AGBL1: variants seen among roughly 807,000 people sequenced by gnomAD.
AGBL1 encodes AGBL carboxypeptidase 1, also known as cytosolic carboxypeptidase 4.
In AGBL1, 130 loss-of-function variants were observed where a neutral mutation model predicts 118.9. The observed-to-expected ratio is 1.09, with a 90% CI of 0.95 to 1.26. AGBL1 has a LOEUF of 1.26. Among genes scored for constraint, AGBL1 ranks in the 50% most tolerant of loss-of-function variants. AGBL1 has a pLI of 0.00. For synonymous variants in AGBL1, 555 were observed against 478.9 expected (o/e 1.16, Z -2.08); for missense variants, 1,584 against 1,298.1 (o/e 1.22, Z -3.38).
chr15:86,208,644 T>G (rs1429217373), intron 5 of AGBL1, among the ~76,000 whole-genome samples: 2 of 152,212 alleles, frequency 1.3e-5, no homozygotes, highest in Admixed American at 6.5e-5. Flanking sequence ...TAGTTTGTAT[T>G]TCTGTGGGAT....
intron 22 of AGBL1, among the ~76,000 whole-genome samples, chr15:86,743,806 A>C (rs2077715931): frequency 6.6e-6 from 1 of 152,100 alleles, no homozygotes; most frequent in Non-Finnish European, 1.5e-5. Flanking sequence ...GCCCTAGTCT[A>C]ACCAGTTCTA....
At chr15:86,873,626 C>T (rs2079760849) in intron 22 of AGBL1, among the ~76,000 whole-genome samples, 1 of 152,098 alleles carries the variant, frequency 6.6e-6, no homozygotes, top group African/African-American at 2.4e-5. Context: ...TTGCCCATTC[C>T]ACCATGTTAG....
Position 86,523,079 on chromosome 15 carries a change from A to G in AGBL1, c.2685+140A>G, listed in dbSNP as rs540419942. 1.4e-5 allele frequency: 14 copies of G among 1,016,986 alleles called. No individual in the cohort carries two copies. The African/African-American group carries it at 1.9e-4, about 14-fold the overall frequency. The allele number at this position is 1,016,986 out of a possible 1,614,324, so 63.0% of individuals were successfully genotyped here. ...AGATAGAATGGAGGATGCATGGTGC[A>G]TTGACTTCCTGGGCTGCTGTACCAA... On this transcript the variant is annotated intron_variant, in intron 19 of 22. Transcript: ENST00000614907.
chr15:86,223,834 C>T (rs920847118), intron 5 of AGBL1, among the ~76,000 whole-genome samples: 1 of 152,156 alleles, frequency 6.6e-6, no homozygotes, highest in African/African-American at 2.4e-5. Flanking sequence ...CATTTATCTT[C>T]CTTTTTACTG....
chr15:86,719,618 C>T (rs1482034814), intron 22 of AGBL1, among the ~76,000 whole-genome samples: 1 of 152,060 alleles, frequency 6.6e-6, no homozygotes, highest in Non-Finnish European at 1.5e-5. Context: ...TTCCCTTTTC[C>T]TCCCCTTGCC....
chr15:86,744,835 A>AT (rs2077731376), intron 22 of AGBL1, among the ~76,000 whole-genome samples: 1 of 152,110 alleles, frequency 6.6e-6, no homozygotes, highest in African/African-American at 2.4e-5. Flanking sequence ...ACTCATTATA[A>AT]TTTTTTGGTG....
chr15:86,436,669 A>G (rs2082004134), intron 18 of AGBL1, among the ~76,000 whole-genome samples: 1 of 152,234 alleles, frequency 6.6e-6, no homozygotes. Flanking sequence ...GACTTATATT[A>G]GTAATAATAT....
At chr15:86,528,401 T>C (rs1249926356) in intron 19 of AGBL1, among the ~76,000 whole-genome samples, 1 of 152,146 alleles carries the variant, frequency 6.6e-6, no homozygotes, top group Admixed American at 6.5e-5. Flanking sequence ...TTTTCAGACC[T>C]GCTTAAAAAA....
At chr15:86,538,841 G>T (rs1321180920) in intron 19 of AGBL1, among the ~76,000 whole-genome samples, 1 of 152,190 alleles carries the variant, frequency 6.6e-6, no homozygotes, top group East Asian at 1.9e-4. Context: ...CTAAGGGAGA[G>T]GTGTTTGAGA....
intron 17 of AGBL1, among the ~76,000 whole-genome samples, chr15:86,376,864 G>C (rs1229953345): frequency 6.6e-6 from 1 of 152,206 alleles, no homozygotes; most frequent in Non-Finnish European, 1.5e-5. Flanking sequence ...GCAAAGGCCA[G>C]ACTTATCTTT....
intron 5 of AGBL1, among the ~76,000 whole-genome samples, chr15:86,180,535 C>A (rs2077538096): frequency 6.6e-6 from 1 of 152,018 alleles, no homozygotes; most frequent in Non-Finnish European, 1.5e-5. Flanking sequence ...TAAAATGGAC[C>A]ATAGACTTAA....
chr15:86,660,028 A>G (rs1188247290), intron 21 of AGBL1, among the ~76,000 whole-genome samples: 1 of 151,700 alleles, frequency 6.6e-6, no homozygotes, highest in Non-Finnish European at 1.5e-5. Context: ...CCACAGGCAC[A>G]TTTGTAGCCA....
intron 23 of AGBL1, chr15:86,935,166 A>G (rs2080653334): frequency 6.6e-6 from 1 of 152,086 alleles, no homozygotes; most frequent in South Asian, 2.1e-4. Context: ...TTCTGTTTTC[A>G]GACTTCTCCA....
rs34011958 is a variant in AGBL1, at chr15:86,739,509, AT to A, written c.3158+65085del. 7.3e-3 allele frequency among the ~76,000 whole-genome samples: 1,026 copies of A among 140,564 alleles called. 7 individuals are homozygous for A. The highest frequency in any genetic ancestry group is 0.034 in the South Asian group (150 of 4,420). 92.2% of individuals were successfully genotyped at this position (140,564 alleles called of 152,430 possible). On this transcript the variant is annotated intron_variant, in intron 22 of 22. Coordinates refer to ENST00000614907, the MANE Select transcript of AGBL1 (RefSeq NM_001386094.1). The stretch of plus-strand genomic sequence containing the variant: ...TTTTTCACAGGATCCATCAAGATTC[AT>A]TTTTTTTTTTTCGGGGGGAGCAAGA...
chr15:86,988,998 T>C (rs1233595089), intron 24 of AGBL1, among the ~76,000 whole-genome samples: 2 of 72,670 alleles, frequency 2.8e-5, no homozygotes, highest in African/African-American at 1.3e-4. Flanking sequence ...TCCCCCTGCT[T>C]TTTTTTTTTT....
chr15:86,163,821 A>G (rs947199225), intron 5 of AGBL1, among the ~76,000 whole-genome samples: 8 of 152,254 alleles, frequency 5.3e-5, no homozygotes, highest in African/African-American at 1.9e-4. Flanking sequence ...TAATGAATGA[A>G]AGCCAGAATG....
At chr15:86,981,125 G>T (rs1291857815) in intron 23 of AGBL1, among the ~76,000 whole-genome samples, 1 of 152,150 alleles carries the variant, frequency 6.6e-6, no homozygotes, top group Non-Finnish European at 1.5e-5. Context: ...GACCTCAGGT[G>T]ATCCACCCAC....
Position 86,429,098 on chromosome 15 carries a change from C to T in AGBL1, c.2555+31552C>T, listed in dbSNP as rs138948784. Reference sequence around the variant, plus strand: ...CCTTCGCTCTGCCTCCTCACAAAGACATTCCAAAGGGCACCAATTCCTTGG... The same window carrying T: ...CCTTCGCTCTGCCTCCTCACAAAGATATTCCAAAGGGCACCAATTCCTTGG... On this transcript the variant is annotated intron_variant, in intron 18 of 22. Coordinates refer to ENST00000614907, the MANE Select transcript of AGBL1 (RefSeq NM_001386094.1). 2.2e-3 allele frequency among the ~76,000 whole-genome samples: 331 copies of T among 152,322 alleles called. 4 individuals are homozygous for T. Among genetic ancestry groups the T allele is most frequent in the African/African-American group, 7.6e-3 (314 of 41,578 alleles).
chr15:86,524,596 A>G (rs1273497658), intron 19 of AGBL1, among the ~76,000 whole-genome samples: 2 of 151,960 alleles, frequency 1.3e-5, no homozygotes, highest in Non-Finnish European at 2.9e-5. Flanking sequence ...GATCTTAGTT[A>G]CTCTGTCTCC....
Sources: allele counts gnomAD v4.1 joint callset (sites outside exome capture counted in the v4.1 genomes callset), GRCh38; gene constraint gnomAD v4.1.1; transcripts MANE v1.5; gene names NCBI Gene and HGNC (gene_info 2026-07-23, HGNC 2026-07-21).